The following SPPL3 variants were observed in gnomAD, a reference collection of about 807,000 sequenced individuals.
SPPL3 encodes signal peptide peptidase-like 3.
SPPL3 carries 5 observed loss-of-function variants against 42.4 expected under a neutral mutation model. The observed-to-expected ratio is 0.12, with a 90% CI of 0.06 to 0.25. The LOEUF is 0.25. Ranked by LOEUF, SPPL3 falls within the 10% of genes least tolerant of loss-of-function variation. The probability of loss-of-function intolerance (pLI) is 1.00; values close to 1 mark genes in which losing one functional copy is unlikely to be tolerated. For missense variants in SPPL3, 235 were observed against 489.0 expected, an observed-to-expected ratio of 0.48 and a Z score of 4.90; for synonymous variants, 195 against 181.8, an observed-to-expected ratio of 1.07 and a Z score of -0.58.
chr12:120,847,790 T>C (rs1872092791), intron 1 of SPPL3, among the ~76,000 whole-genome samples: 1 of 152,082 alleles, frequency 6.6e-6, no homozygotes, highest in African/African-American at 2.4e-5. Flanking sequence ...CTAATATTTA[T>C]AATTAATATT....
At chr12:120,787,665 T>A (rs900102684) in intron 3 of SPPL3, among the ~76,000 whole-genome samples, 8 of 152,150 alleles carry the variant, frequency 5.3e-5, no homozygotes, top group Non-Finnish European at 8.8e-5. Flanking sequence ...CTACTTTCTC[T>A]CTCTCTCTCA....
chr12:120,854,364 G>GT (rs1872378464), intron 1 of SPPL3, among the ~76,000 whole-genome samples: 1 of 152,162 alleles, frequency 6.6e-6, no homozygotes. Flanking sequence ...TGAATTATAT[G>GT]TATCTATATA....
At chr12:120,869,231 C>T (rs946849892) in intron 1 of SPPL3, among the ~76,000 whole-genome samples, 1 of 152,138 alleles carries the variant, frequency 6.6e-6, no homozygotes, top group African/African-American at 2.4e-5. Context: ...ATGGTGACTA[C>T]GATACCATGA....
chr12:120,834,451 C>A (rs1871539232), intron 1 of SPPL3, among the ~76,000 whole-genome samples: 1 of 152,026 alleles, frequency 6.6e-6, no homozygotes, highest in African/African-American at 2.4e-5. Flanking sequence ...TGAGAGACTG[C>A]CCAGAAGAGA....
intron 9 of SPPL3, 149 bp downstream of exon 9, chr12:120,767,245 A>G: frequency 1.3e-6 from 1 of 776,694 alleles, no homozygotes; most frequent in Non-Finnish European, 2.0e-6. Context: ...CAAAACACTT[A>G]GCATCTCACG....
chr12:120,863,592 G>A (rs1406746799), intron 1 of SPPL3, among the ~76,000 whole-genome samples: 1 of 152,190 alleles, frequency 6.6e-6, no homozygotes, highest in Non-Finnish European at 1.5e-5. Flanking sequence ...TATTTTAAGA[G>A]CCTTTCAGGT....
intron 1 of SPPL3, among the ~76,000 whole-genome samples, chr12:120,882,909 G>C (rs1023696284): frequency 1.3e-5 from 2 of 149,752 alleles, no homozygotes; most frequent in African/African-American, 4.9e-5. Flanking sequence ...ACCAATCACA[G>C]AGGTAATGCT....
intron 6 of SPPL3, among the ~76,000 whole-genome samples, chr12:120,779,820 C>CAAAAAAAAAAAAAAAAAAA (rs1164272443): frequency 2.3e-5 from 1 of 42,778 alleles, no homozygotes; most frequent in African/African-American, 8.7e-5. Flanking sequence ...ACTAAAAATA[C>CAAAAAAAAAAAAAAAAAAA]AAAAAAAAAA....
intron 6 of SPPL3, among the ~76,000 whole-genome samples, chr12:120,775,447 C>T (rs574578424): frequency 2.0e-5 from 3 of 152,262 alleles, no homozygotes; most frequent in African/African-American, 4.8e-5. Context: ...CCACCGTGCC[C>T]GGTTGAGTGT....
At chr12:120,893,015 T>G (rs1873691383) in intron 1 of SPPL3, among the ~76,000 whole-genome samples, 1 of 149,356 alleles carries the variant, frequency 6.7e-6, no homozygotes, top group Admixed American at 6.7e-5. Context: ...AACCCAAAAT[T>G]TAGTGGACAA....
intron 1 of SPPL3, among the ~76,000 whole-genome samples, chr12:120,898,298 T>TTTG (rs1873871952): frequency 1.3e-5 from 1 of 75,338 alleles, no homozygotes; most frequent in African/African-American, 4.6e-5. Context: ...AAGACTCTGT[T>TTTG]TTTTTTTTTT....
chr12:120,879,185 T>A (rs1280717442), intron 1 of SPPL3, among the ~76,000 whole-genome samples: 1 of 151,436 alleles, frequency 6.6e-6, no homozygotes, highest in East Asian at 1.9e-4. Context: ...TTAATACCTG[T>A]CATGTAGACA....
At chr12:120,799,453 T>C (rs1292737569) in intron 2 of SPPL3, among the ~76,000 whole-genome samples, 1 of 152,202 alleles carries the variant, frequency 6.6e-6, no homozygotes, top group South Asian at 2.1e-4. Context: ...GGATCTTCTG[T>C]AGCAGAAAGT....
intron 10 of SPPL3, among the ~76,000 whole-genome samples, chr12:120,765,570 G>A (rs896809128): frequency 6.6e-6 from 1 of 152,232 alleles, no homozygotes; most frequent in Non-Finnish European, 1.5e-5. Context: ...GAGCCACCAT[G>A]CCCCTGGCCC....
chr12:120,801,180 A>G (rs571651931), intron 2 of SPPL3, among the ~76,000 whole-genome samples: 3 of 152,336 alleles, frequency 2.0e-5, no homozygotes, highest in African/African-American at 7.2e-5. Flanking sequence ...AGATTAATTG[A>G]GAGTCTGACA....
intron 2 of SPPL3, among the ~76,000 whole-genome samples, chr12:120,803,197 T>C (rs969421185): frequency 5.3e-5 from 8 of 152,232 alleles, no homozygotes; most frequent in Non-Finnish European, 1.0e-4. Context: ...GAAACACTAG[T>C]AACAGGAGTG....
chr12:120,898,559 C>G (rs570486052), intron 1 of SPPL3, among the ~76,000 whole-genome samples: 2 of 151,952 alleles, frequency 1.3e-5, no homozygotes, highest in South Asian at 2.1e-4. Flanking sequence ...AGAGAACTGC[C>G]AAGATCTGAC....
chr12:120,863,533 A>G (rs915297813), intron 1 of SPPL3, among the ~76,000 whole-genome samples: 1 of 152,230 alleles, frequency 6.6e-6, no homozygotes, highest in African/African-American at 2.4e-5. Context: ...GTTCAAGTAC[A>G]TGAAGAAAAT....
intron 3 of SPPL3, among the ~76,000 whole-genome samples, chr12:120,784,913 T>C (rs985817433): frequency 2.3e-4 from 35 of 151,400 alleles, no homozygotes; most frequent in African/African-American, 8.0e-4. Context: ...ATTAGTCCAT[T>C]TGGGTAAATT....
Sources: gnomAD v4.1 joint callset for allele counts (sites outside exome capture counted in the v4.1 genomes callset) on GRCh38, gnomAD v4.1.1 for gene constraint, MANE v1.5 for transcripts, NCBI Gene and HGNC (gene_info 2026-07-23, HGNC 2026-07-21) for gene names.